SLC17A1: variants seen among roughly 807,000 people sequenced by gnomAD.
The protein encoded by SLC17A1 is solute carrier family 17 member 1.
Under a neutral mutation model 53.5 loss-of-function variants are expected in SLC17A1, and 51 were observed. The observed-to-expected ratio is 0.95, with a 90% CI of 0.76 to 1.20. SLC17A1 has a LOEUF of 1.20. Ranked by LOEUF, SLC17A1 falls within the 50% of genes most tolerant of loss-of-function variation. SLC17A1 has a pLI of 0.00. For synonymous variants in SLC17A1, 179 were observed against 198.8 expected, an observed-to-expected ratio of 0.90 and a Z score of 0.84; for missense variants, 538 against 568.2, an observed-to-expected ratio of 0.95 and a Z score of 0.54.
In SLC17A1 at chr6:25,788,229, G is replaced by A. The variant is rs1358625164; in HGVS notation, c.*3-5011C>T. 2.0e-5 allele frequency among the ~76,000 whole-genome samples: 3 copies of A among 152,248 alleles called. No homozygotes were observed. The East Asian group carries it at 5.8e-4, about 29-fold the overall frequency. ...CTTCAAATCAAACTTTTAAACTTTA[G>A]TCACTCACCATGCCAAAGAGCACAT... On this transcript the variant is annotated intron_variant, in intron 12 of 12. Transcript: ENST00000244527.
At chr6:25,743,465 T>C in the SLC17A1 span, among the ~76,000 whole-genome samples, 27 of 152,264 alleles carry the variant, frequency 1.8e-4, no homozygotes, top group Non-Finnish European at 3.5e-4. Context: ...ATTCAAAGCA[T>C]AGGAAAATAT....
chr6:25,789,826 G>A (rs969404027), intron 12 of SLC17A1, among the ~76,000 whole-genome samples: 7 of 152,192 alleles, frequency 4.6e-5, no homozygotes, highest in African/African-American at 9.6e-5. Context: ...TCTTTTGGCC[G>A]AAAAGAATAT....
chr6:25,752,403 G>A, the SLC17A1 span, among the ~76,000 whole-genome samples: 258 of 152,266 alleles, frequency 1.7e-3, 1 homozygote, highest in Non-Finnish European at 2.7e-3. Flanking sequence ...CATAAATGGA[G>A]CTTGTGAGAC....
chr6:25,793,974 G>A (rs1209644543), intron 12 of SLC17A1, among the ~76,000 whole-genome samples: 1 of 152,166 alleles, frequency 6.6e-6, no homozygotes, highest in Non-Finnish European at 1.5e-5. Flanking sequence ...TGCGACTGGA[G>A]GTCACACACG....
At chr6:25,809,012 A>T (rs1440900195) in intron 10 of SLC17A1, among the ~76,000 whole-genome samples, 1 of 152,004 alleles carries the variant, frequency 6.6e-6, no homozygotes, top group Non-Finnish European at 1.5e-5. Flanking sequence ...GTCCATCAAC[A>T]GATGATTGGA....
At chr6:25,726,956 T>C in the SLC17A1 span, 3 of 1,614,072 alleles carry the variant, frequency 1.9e-6, no homozygotes, top group South Asian at 3.3e-5. Context: ...AGAAGGGCTT[T>C]AAGAAAGCTG....
downstream of SLC17A1, among the ~76,000 whole-genome samples, chr6:25,782,266 G>A (rs1763283050): frequency 6.6e-6 from 1 of 152,188 alleles, no homozygotes; most frequent in Non-Finnish European, 1.5e-5. Context: ...CCAGAGGAGA[G>A]AGGCCCTGCA....
At chr6:25,726,881 T>C in the SLC17A1 span, 11 of 1,593,880 alleles carry the variant, frequency 6.9e-6, no homozygotes, top group African/African-American at 1.3e-5. Flanking sequence ...AAAAGAACCG[T>C]GTAACGCTGC....
At chr6:25,743,379 T>A in the SLC17A1 span, among the ~76,000 whole-genome samples, 1 of 152,198 alleles carries the variant, frequency 6.6e-6, no homozygotes, top group Admixed American at 6.5e-5. Flanking sequence ...TATAGTTCTC[T>A]GATGATACAT....
At chr6:25,729,001 G>C in the SLC17A1 span, among the ~76,000 whole-genome samples, 41,424 of 152,012 alleles carry the variant, frequency 0.27, 6,846 homozygotes, top group East Asian at 0.7. Context: ...TTGGGGATGG[G>C]ATCATCTCTA....
chr6:25,803,785 C>A lies in SLC17A1; in HGVS notation c.1179-2805G>T, dbSNP rs151284366. ...ATAGCAATAATTATGGAGCAGCTAA[C>A]CCTTACACAGTGCTTGCCAGAGTAT... On this transcript the variant is annotated intron_variant, in intron 10 of 12. Coordinates refer to ENST00000244527, the MANE Select transcript of SLC17A1 (RefSeq NM_005074.5). 2.2e-3 allele frequency among the ~76,000 whole-genome samples: 337 copies of A among 152,124 alleles called. 4 individuals are homozygous for A. Among genetic ancestry groups the A allele is most frequent in the Admixed American group, 0.02 (302 of 15,282 alleles).
chr6:25,806,044 T>G (rs571348497), intron 10 of SLC17A1, among the ~76,000 whole-genome samples: 1 of 152,208 alleles, frequency 6.6e-6, no homozygotes, highest in South Asian at 2.1e-4. Context: ...AGTATCACCC[T>G]GATACCAAAA....
At chr6:25,778,957 C>A, downstream of SLC17A1, 1 of 1,500,804 alleles carries the variant, frequency 6.7e-7, no homozygotes. Flanking sequence ...GAGTGGAGGT[C>A]GGGGAGGGAG....
chr6:25,772,294 C>T, the SLC17A1 span, among the ~76,000 whole-genome samples: 24 of 152,314 alleles, frequency 1.6e-4, no homozygotes, highest in African/African-American at 5.8e-4. Context: ...TTAACATCCT[C>T]CAACCCCAAT....
At chr6:25,789,282 G>A (rs1486973489) in intron 12 of SLC17A1, among the ~76,000 whole-genome samples, 1 of 152,066 alleles carries the variant, frequency 6.6e-6, no homozygotes, top group African/African-American at 2.4e-5. Flanking sequence ...GAGACAAATT[G>A]AGCATCAAAG....
At chr6:25,805,271 A>G (rs1171673836) in intron 10 of SLC17A1, among the ~76,000 whole-genome samples, 2 of 152,102 alleles carry the variant, frequency 1.3e-5, no homozygotes, top group African/African-American at 2.4e-5. Flanking sequence ...ATCCAAATAC[A>G]TGGAAATTAA....
chr6:25,767,678 A>T, the SLC17A1 span, among the ~76,000 whole-genome samples: 1 of 152,220 alleles, frequency 6.6e-6, no homozygotes, highest in African/African-American at 2.4e-5. Flanking sequence ...CTAGTGGTGT[A>T]ATGTGAGAAG....
At chr6:25,827,303 T>C (rs545762272) in intron 2 of SLC17A1, among the ~76,000 whole-genome samples, 1 of 152,174 alleles carries the variant, frequency 6.6e-6, no homozygotes, top group Non-Finnish European at 1.5e-5. Flanking sequence ...GAAATGTTTA[T>C]AGTAGATTTA....
intron 12 of SLC17A1, among the ~76,000 whole-genome samples, chr6:25,785,598 G>C (rs1763364425): frequency 2.0e-5 from 3 of 152,070 alleles, no homozygotes. Flanking sequence ...TATCAGTCTA[G>C]TATTTAGAAT....
Sources: gnomAD v4.1 joint callset for allele counts (sites outside exome capture counted in the v4.1 genomes callset) on GRCh38, gnomAD v4.1.1 for gene constraint, MANE v1.5 for transcripts, NCBI Gene and HGNC (gene_info 2026-07-23, HGNC 2026-07-21) for gene names.